The following TBC1D22A variants were observed in gnomAD, a reference collection of about 807,000 sequenced individuals.
TBC1D22A encodes the protein putative GTPase activator.
A neutral mutation model predicts 60.2 loss-of-function variants in TBC1D22A; 38 were observed. That is an observed-to-expected ratio of 0.63 (90% CI 0.49 to 0.83). The LOEUF is 0.83. Ranked by LOEUF, TBC1D22A falls within the 40% of genes least tolerant of loss-of-function variation. The pLI is 0.00. For missense variants in TBC1D22A, 628 were observed against 701.0 expected (o/e 0.90, Z 1.18); for synonymous variants, 302 against 281.7 (o/e 1.07, Z -0.72).
chr22:47,001,678 A>G (rs1360645655), intron 10 of TBC1D22A, among the ~76,000 whole-genome samples: 1 of 152,178 alleles, frequency 6.6e-6, no homozygotes, highest in Non-Finnish European at 1.5e-5. Context: ...CAGAGATAAG[A>G]GCATAAATCT....
At chr22:47,158,479 C>A (rs552612218) in intron 12 of TBC1D22A, among the ~76,000 whole-genome samples, 2 of 152,130 alleles carry the variant, frequency 1.3e-5, no homozygotes, top group Non-Finnish European at 2.9e-5. Context: ...GTTCCCCCCC[C>A]AATCTGAAAA....
At chr22:46,936,283 G>A (rs62232699) in intron 8 of TBC1D22A, among the ~76,000 whole-genome samples, 10,173 of 151,536 alleles carry the variant, frequency 0.067, 470 homozygotes, top group Non-Finnish European at 0.1. Flanking sequence ...GGCTCCTCGC[G>A]GTTCTGCACG....
intron 8 of TBC1D22A, among the ~76,000 whole-genome samples, chr22:46,920,576 G>T (rs553110778): frequency 1.3e-5 from 2 of 152,110 alleles, no homozygotes; most frequent in African/African-American, 4.8e-5. Flanking sequence ...AGGTAGATTC[G>T]CTGCTCCTCG....
chr22:46,873,034 A>G (rs908736707), intron 4 of TBC1D22A, among the ~76,000 whole-genome samples: 5 of 152,214 alleles, frequency 3.3e-5, no homozygotes, highest in African/African-American at 1.2e-4. Flanking sequence ...ACAAAGGAGA[A>G]GTTTTTACAA....
intron 4 of TBC1D22A, among the ~76,000 whole-genome samples, chr22:46,877,169 C>G (rs567570943): frequency 6.6e-6 from 1 of 152,212 alleles, no homozygotes; most frequent in Non-Finnish European, 1.5e-5. Flanking sequence ...AGTCACTTAA[C>G]CTCTCTGAGG....
intron 10 of TBC1D22A, among the ~76,000 whole-genome samples, chr22:47,030,568 A>G (rs2062437265): frequency 1.3e-5 from 2 of 152,210 alleles, no homozygotes. Flanking sequence ...GTGACTTTAC[A>G]ACAATAACGT....
intron 12 of TBC1D22A, among the ~76,000 whole-genome samples, chr22:47,134,153 A>G (rs889134507): frequency 6.6e-6 from 1 of 152,216 alleles, no homozygotes; most frequent in Non-Finnish European, 1.5e-5. Context: ...TAAAGAAAAA[A>G]GTTACACCCC....
intron 8 of TBC1D22A, chr22:46,913,443 C>T (rs766300074): frequency 9.5e-6 from 13 of 1,361,996 alleles, no homozygotes; most frequent in Non-Finnish European, 1.2e-5. Flanking sequence ...GAGGACATAT[C>T]CAAGTAGTGA....
intron 4 of TBC1D22A, among the ~76,000 whole-genome samples, chr22:46,813,965 G>A (rs1039854339): frequency 6.6e-6 from 1 of 152,208 alleles, no homozygotes; most frequent in Non-Finnish European, 1.5e-5. Context: ...GCTGAGCCCT[G>A]GTGCTCCTTC....
chr22:47,108,414 G>C (rs933381367), intron 11 of TBC1D22A, among the ~76,000 whole-genome samples: 3 of 152,174 alleles, frequency 2.0e-5, no homozygotes, highest in African/African-American at 7.2e-5. Flanking sequence ...ATGAATCTAA[G>C]GTAATCACCC....
At chr22:46,865,825 C>CA (rs895426743) in intron 4 of TBC1D22A, among the ~76,000 whole-genome samples, 4 of 152,018 alleles carry the variant, frequency 2.6e-5, no homozygotes, top group Non-Finnish European at 4.4e-5. Context: ...TTGAAAATGC[C>CA]AAAAAAGACC....
chr22:46,781,906 G>A (rs996421430), intron 1 of TBC1D22A, among the ~76,000 whole-genome samples: 2 of 152,220 alleles, frequency 1.3e-5, no homozygotes, highest in African/African-American at 4.8e-5. Context: ...AATGGCCCCT[G>A]CCTTGCTCAC....
At chr22:47,112,868 C>A (rs80074971) in intron 12 of TBC1D22A, among the ~76,000 whole-genome samples, 1 of 152,200 alleles carries the variant, frequency 6.6e-6, no homozygotes, top group Non-Finnish European at 1.5e-5. Context: ...CCCCTCCGCC[C>A]GGCTGATGCA....
At chr22:47,004,721 C>T (rs73484691) in intron 10 of TBC1D22A, among the ~76,000 whole-genome samples, 8,671 of 147,738 alleles carry the variant, frequency 0.059, 520 homozygotes, top group African/African-American at 0.17. Flanking sequence ...ATACACACAC[C>T]TGCCATATAC....
intron 12 of TBC1D22A, among the ~76,000 whole-genome samples, chr22:47,119,651 C>T (rs1330623160): frequency 6.6e-6 from 1 of 152,108 alleles, no homozygotes; most frequent in Non-Finnish European, 1.5e-5. Flanking sequence ...CACGTGGCAG[C>T]ACGCCCGGCT....
chr22:47,115,476 C>T (rs141944055), intron 12 of TBC1D22A, among the ~76,000 whole-genome samples: 2 of 152,244 alleles, frequency 1.3e-5, no homozygotes, highest in African/African-American at 4.8e-5. Context: ...TTCCATCTGC[C>T]ACTCTCCCAC....
chr22:47,067,385 G>T (rs940304961), intron 11 of TBC1D22A, among the ~76,000 whole-genome samples: 1 of 152,202 alleles, frequency 6.6e-6, no homozygotes, highest in South Asian at 2.1e-4. Context: ...AATAAATCCT[G>T]CCACCTCTAT....
chr22:46,853,747 C>T (rs1303244416), intron 4 of TBC1D22A, among the ~76,000 whole-genome samples: 2 of 152,164 alleles, frequency 1.3e-5, no homozygotes, highest in African/African-American at 4.8e-5. Flanking sequence ...GTTCATTGTT[C>T]AACAGATACT....
intron 12 of TBC1D22A, among the ~76,000 whole-genome samples, chr22:47,144,573 A>G (rs983354832): frequency 6.6e-6 from 1 of 152,216 alleles, no homozygotes; most frequent in East Asian, 1.9e-4. Flanking sequence ...ACATACGCGC[A>G]TGCACTTAGG....
Sources: gnomAD v4.1 joint callset for allele counts (sites outside exome capture counted in the v4.1 genomes callset) on GRCh38, gnomAD v4.1.1 for gene constraint, MANE v1.5 for transcripts, NCBI Gene and HGNC (gene_info 2026-07-23, HGNC 2026-07-21) for gene names.